Variants in BABAM2 observed in about 807,000 individuals in gnomAD.
BABAM2 encodes the protein BRISC and BRCA1 A complex member 2, also known as BRISC and BRCA1-A complex member 2.
In BABAM2, 31 loss-of-function variants were observed where a neutral mutation model predicts 54.7. The ratio of observed to expected loss-of-function variants is 0.57; its 90% CI spans 0.43 to 0.77. The LOEUF (loss-of-function observed/expected upper bound fraction) is 0.77, where lower values mean the gene tolerates loss of function less well. Ranked by LOEUF, BABAM2 falls within the 30% of genes least tolerant of loss-of-function variation. BABAM2 has a pLI of 0.00. For synonymous variants in BABAM2, 167 were observed against 162.9 expected, an observed-to-expected ratio of 1.03 and a Z score of -0.19; for missense variants, 364 against 455.8, an observed-to-expected ratio of 0.80 and a Z score of 1.83.
chr2:28,075,062 G>T lies in BABAM2; in HGVS notation c.570+29263G>T, dbSNP rs149183951. 2.5e-3 allele frequency among the ~76,000 whole-genome samples: 385 copies of T among 152,150 alleles called. 4 individuals carry two copies. Among genetic ancestry groups the T allele is most frequent in the African/African-American group, 9.0e-3 (372 of 41,532 alleles). On this transcript the variant is annotated intron_variant, in intron 6 of 11. Coordinates refer to ENST00000379624, the MANE Select transcript of BABAM2 (RefSeq NM_199191.3). Reference sequence around the variant, plus strand: ...TTTTTTTCAGTTCACGGACCCTTGGGGACACATCTGCATTGATGCCTGAAG... The same window carrying T: ...TTTTTTTCAGTTCACGGACCCTTGGTGACACATCTGCATTGATGCCTGAAG...
chr2:27,888,846 C>T (rs949663366), upstream of BABAM2, among the ~76,000 whole-genome samples: 1 of 152,150 alleles, frequency 6.6e-6, no homozygotes, highest in Admixed American at 6.5e-5. Context: ...TATTTACTAT[C>T]TGGCCCTTTA....
At chr2:28,208,947 T>C (rs1268367230) in intron 7 of BABAM2, among the ~76,000 whole-genome samples, 1 of 152,192 alleles carries the variant, frequency 6.6e-6, no homozygotes, top group Non-Finnish European at 1.5e-5. Flanking sequence ...ATTGGAAGCA[T>C]GGGCAAGTTG....
intron 5 of BABAM2, among the ~76,000 whole-genome samples, chr2:28,044,028 C>T (rs1677353690): frequency 6.6e-6 from 1 of 152,202 alleles, no homozygotes; most frequent in African/African-American, 2.4e-5. Flanking sequence ...CTCATTTCCG[C>T]CTTGTCTGTC....
chr2:28,159,677 C>T (rs1035567427), intron 7 of BABAM2, among the ~76,000 whole-genome samples: 18 of 151,990 alleles, frequency 1.2e-4, no homozygotes, highest in African/African-American at 4.4e-4. Flanking sequence ...GTCAGGAGTT[C>T]GAGACCAGCC....
At chr2:27,974,870 C>T (rs1013720604) in intron 3 of BABAM2, among the ~76,000 whole-genome samples, 2 of 152,068 alleles carry the variant, frequency 1.3e-5, no homozygotes, top group African/African-American at 4.8e-5. Flanking sequence ...AATCCTAGAA[C>T]TTACGAGTTT....
chr2:28,066,197 TAAA>T, intron 6 of BABAM2, among the ~76,000 whole-genome samples: 1 of 150,236 alleles, frequency 6.7e-6, no homozygotes, highest in Middle Eastern at 3.5e-3. Flanking sequence ...AATAAAAAAA[TAAA>T]AAAAACAGCC....
intron 7 of BABAM2, among the ~76,000 whole-genome samples, chr2:28,171,123 A>ATG (rs916346325): frequency 6.6e-6 from 1 of 151,458 alleles, no homozygotes; most frequent in South Asian, 2.1e-4. Context: ...ATATATATAT[A>ATG]TATATATCTT....
chr2:28,294,156 A>T (rs573157655), intron 10 of BABAM2, among the ~76,000 whole-genome samples: 1 of 152,224 alleles, frequency 6.6e-6, no homozygotes, highest in African/African-American at 2.4e-5. Flanking sequence ...TGAGGCGGGC[A>T]AGTCACAAGG....
At chr2:28,118,046 T>C (rs1668756907) in intron 6 of BABAM2, among the ~76,000 whole-genome samples, 1 of 152,216 alleles carries the variant, frequency 6.6e-6, no homozygotes, top group Non-Finnish European at 1.5e-5. Flanking sequence ...CTTGTTGGGC[T>C]CTTGGATTAA....
chr2:28,148,508 G>A (rs1354817818), intron 7 of BABAM2, among the ~76,000 whole-genome samples: 1 of 152,216 alleles, frequency 6.6e-6, no homozygotes, highest in Non-Finnish European at 1.5e-5. Flanking sequence ...CCTGCTACAT[G>A]CAGAACCACA....
At chr2:28,334,162 A>C (rs981481460) in intron 11 of BABAM2, among the ~76,000 whole-genome samples, 4 of 152,260 alleles carry the variant, frequency 2.6e-5, no homozygotes, top group Non-Finnish European at 4.4e-5. Context: ...AGCCCAGGAC[A>C]GAACAGGAAA....
At chr2:28,064,128 G>A (rs578014980) in intron 6 of BABAM2, among the ~76,000 whole-genome samples, 2 of 152,288 alleles carry the variant, frequency 1.3e-5, no homozygotes, top group South Asian at 4.2e-4. Context: ...CTGTGAAAAT[G>A]CTTATTTTTT....
intron 10 of BABAM2, among the ~76,000 whole-genome samples, chr2:28,259,498 G>A (rs1462421573): frequency 6.6e-6 from 1 of 152,054 alleles, no homozygotes; most frequent in African/African-American, 2.4e-5. Context: ...TTTATACATT[G>A]GGATACAAAC....
intron 3 of BABAM2, among the ~76,000 whole-genome samples, chr2:27,937,164 C>G (rs181496502): frequency 1.2e-4 from 18 of 152,248 alleles, no homozygotes; most frequent in African/African-American, 4.3e-4. Context: ...TATGTTTGTA[C>G]TTTAAATCAT....
chr2:28,134,204 CAAAAA>C (rs11321296), intron 7 of BABAM2, among the ~76,000 whole-genome samples: 3 of 107,046 alleles, frequency 2.8e-5, no homozygotes, highest in Non-Finnish European at 3.7e-5. Flanking sequence ...GTGAGTTATG[CAAAAA>C]AAAAAAAAAA....
chr2:28,130,696 C>T (rs1327492678), intron 7 of BABAM2, among the ~76,000 whole-genome samples: 1 of 152,008 alleles, frequency 6.6e-6, no homozygotes, highest in Non-Finnish European at 1.5e-5. Flanking sequence ...TCAAGTGATT[C>T]TGCTGCCTCG....
At chr2:28,024,769 G>C (rs1675530128) in intron 4 of BABAM2, among the ~76,000 whole-genome samples, 1 of 152,176 alleles carries the variant, frequency 6.6e-6, no homozygotes, top group Non-Finnish European at 1.5e-5. Flanking sequence ...AGTGTTTACA[G>C]AGCGTTTATT....
chr2:28,008,047 C>G (rs910946646), intron 4 of BABAM2, among the ~76,000 whole-genome samples: 9 of 151,972 alleles, frequency 5.9e-5, no homozygotes, highest in African/African-American at 2.2e-4. Context: ...TTTGAATAAC[C>G]CATAATGTCT....
At chr2:28,243,692 G>A (rs1573917477) in intron 9 of BABAM2, among the ~76,000 whole-genome samples, 3 of 151,348 alleles carry the variant, frequency 2.0e-5, no homozygotes, top group South Asian at 4.2e-4. Flanking sequence ...GGGCAATAGG[G>A]TGAGACTCTG....
Sources: allele counts gnomAD v4.1 joint callset (sites outside exome capture counted in the v4.1 genomes callset), GRCh38; gene constraint gnomAD v4.1.1; transcripts MANE v1.5; gene names NCBI Gene and HGNC (gene_info 2026-07-23, HGNC 2026-07-21).